The following EYS variants were observed in gnomAD, a reference collection of about 807,000 sequenced individuals.
The protein encoded by EYS is EGF-like photoreceptor maintenance factor.
A neutral mutation model predicts 282.1 loss-of-function variants in EYS; 250 were observed. The ratio of observed to expected loss-of-function variants is 0.89; its 90% CI spans 0.80 to 0.98. The LOEUF (loss-of-function observed/expected upper bound fraction) is 0.98. Ranked by LOEUF, EYS falls within the 50% of genes least tolerant of loss-of-function variation. EYS has a pLI of 0.00. For missense variants in EYS, 4,016 were observed against 3,709.0 expected (o/e 1.08, Z -2.15); for synonymous variants, 1,355 against 1,282.9 (o/e 1.06, Z -1.20).
At chr6:65,317,777 T>TCTTCCTTCCTTCCTTC (rs911036026) in intron 11 of EYS, among the ~76,000 whole-genome samples, 848 of 57,360 alleles carry the variant, frequency 0.015, 26 homozygotes, top group Admixed American at 0.016. Context: ...CTACATTTTC[T>TCTTCCTTCCTTCCTTC]CTTCCTTCCT....
chr6:64,744,034 T>A (rs1233248091), intron 22 of EYS, among the ~76,000 whole-genome samples: 3 of 152,136 alleles, frequency 2.0e-5, no homozygotes, highest in Non-Finnish European at 4.4e-5. Flanking sequence ...ATTCATGTCT[T>A]TACATGACAT....
At chr6:63,839,129 C>T (rs1245666941) in intron 36 of EYS, among the ~76,000 whole-genome samples, 1 of 152,178 alleles carries the variant, frequency 6.6e-6, no homozygotes, top group Non-Finnish European at 1.5e-5. Context: ...ATTATAGTCA[C>T]TCTGTAGTGT....
At chr6:65,131,022 T>C (rs1775860148) in intron 12 of EYS, among the ~76,000 whole-genome samples, 1 of 151,536 alleles carries the variant, frequency 6.6e-6, no homozygotes, top group African/African-American at 2.4e-5. Context: ...TTTTTATAAA[T>C]TATATATACA....
chr6:64,136,854 G>A (rs779499077), intron 31 of EYS, among the ~76,000 whole-genome samples: 5 of 152,084 alleles, frequency 3.3e-5, no homozygotes, highest in Non-Finnish European at 7.4e-5. Flanking sequence ...AATGATAAAT[G>A]AGCATTGGCT....
At chr6:63,978,789 G>A (rs1766959312) in intron 35 of EYS, among the ~76,000 whole-genome samples, 1 of 151,928 alleles carries the variant, frequency 6.6e-6, no homozygotes, top group African/African-American at 2.4e-5. Context: ...TTCAATTTAT[G>A]CCTCCTACCT....
At chr6:65,604,870 G>T (rs1310768189) in intron 2 of EYS, among the ~76,000 whole-genome samples, 6 of 145,038 alleles carry the variant, frequency 4.1e-5, no homozygotes, top group African/African-American at 1.5e-4. Context: ...TTGAGACAGG[G>T]TCTTGCTCTG....
At chr6:64,468,262 C>T (rs1420845406) in intron 26 of EYS, among the ~76,000 whole-genome samples, 1 of 152,226 alleles carries the variant, frequency 6.6e-6, no homozygotes. Flanking sequence ...ACTGACACCG[C>T]TGCCACTGAT....
At chr6:64,745,243 A>G (rs1442259551) in intron 22 of EYS, among the ~76,000 whole-genome samples, 2 of 152,214 alleles carry the variant, frequency 1.3e-5, no homozygotes, top group East Asian at 1.9e-4. Flanking sequence ...ATAAAAATAC[A>G]TGTTATTAAT....
intron 35 of EYS, among the ~76,000 whole-genome samples, chr6:63,940,552 A>T (rs1765203183): frequency 6.6e-6 from 1 of 152,180 alleles, no homozygotes; most frequent in African/African-American, 2.4e-5. Flanking sequence ...TGGTTTGTTG[A>T]TTTTAGAATG....
intron 28 of EYS, among the ~76,000 whole-genome samples, chr6:64,418,849 T>A (rs1774139648): frequency 6.6e-6 from 1 of 151,998 alleles, no homozygotes; most frequent in African/African-American, 2.4e-5. Context: ...TGGTTTCAAG[T>A]TAGATTTATA....
intron 5 of EYS, among the ~76,000 whole-genome samples, chr6:65,407,063 T>A (rs1766776522): frequency 6.6e-6 from 1 of 152,102 alleles, no homozygotes; most frequent in Admixed American, 6.6e-5. Flanking sequence ...AAAATTTCCA[T>A]CCCAACAAGA....
At chr6:64,499,570 T>TTTTTTA (rs1160999619) in intron 26 of EYS, among the ~76,000 whole-genome samples, 5 of 152,096 alleles carry the variant, frequency 3.3e-5, no homozygotes, top group Non-Finnish European at 7.4e-5. Flanking sequence ...GCTTAATTAT[T>TTTTTTA]TTTTTATTTT....
intron 13 of EYS, among the ~76,000 whole-genome samples, chr6:65,047,119 C>T (rs1207410168): frequency 2.6e-5 from 4 of 151,310 alleles, no homozygotes; most frequent in Non-Finnish European, 5.9e-5. Flanking sequence ...TTATAAACTA[C>T]CCAGTCTCAG....
intron 26 of EYS, among the ~76,000 whole-genome samples, chr6:64,532,227 A>G (rs895060666): frequency 3.3e-5 from 5 of 152,200 alleles, no homozygotes; most frequent in African/African-American, 1.2e-4. Context: ...TCTGCAAAAT[A>G]TTTAAAAAAT....
At chr6:63,836,586 A>C (rs1771812625) in intron 36 of EYS, among the ~76,000 whole-genome samples, 1 of 152,064 alleles carries the variant, frequency 6.6e-6, no homozygotes, top group South Asian at 2.1e-4. Flanking sequence ...AAAAGTAGAA[A>C]GAAAATATCA....
At chr6:64,254,474 G>T (rs1331932686) in intron 30 of EYS, among the ~76,000 whole-genome samples, 2 of 151,920 alleles carry the variant, frequency 1.3e-5, no homozygotes, top group African/African-American at 4.8e-5. Context: ...AGACTATTTG[G>T]CCCAAAGGGA....
rs578202112 is a variant in EYS at position 64,035,239 on chromosome 6, G to A, written c.6725+31099C>T. Among the ~76,000 whole-genome samples, 406 of 152,216 alleles carry A rather than the reference G, an allele frequency of 2.7e-3. 2 individuals are homozygous for A. Among genetic ancestry groups the A allele is most frequent in the African/African-American group, 9.4e-3 (391 of 41,528 alleles). On this transcript the variant is annotated intron_variant, in intron 33 of 42. Coordinates refer to ENST00000503581, the MANE Select transcript of EYS (RefSeq NM_001142800.2). ...AGTGAATTCAATTTTTCTTCATCTA[G>A]GATTATGGTTAATTTGTGTTTACTC...
At chr6:64,978,136 T>C (rs1225784618) in intron 14 of EYS, among the ~76,000 whole-genome samples, 1 of 151,936 alleles carries the variant, frequency 6.6e-6, no homozygotes, top group African/African-American at 2.4e-5. Context: ...TGTAGGACTT[T>C]CACAGTTAGA....
chr6:64,586,852 T>A (rs767273751), intron 26 of EYS, among the ~76,000 whole-genome samples: 1 of 152,118 alleles, frequency 6.6e-6, no homozygotes, highest in Non-Finnish European at 1.5e-5. Context: ...ATTTGGTTCA[T>A]GAAGCTCTGA....
Sources: gnomAD v4.1 joint callset for allele counts (sites outside exome capture counted in the v4.1 genomes callset) on GRCh38, gnomAD v4.1.1 for gene constraint, MANE v1.5 for transcripts, NCBI Gene and HGNC (gene_info 2026-07-23, HGNC 2026-07-21) for gene names.